Variants in FAM107B observed in about 807,000 individuals in gnomAD.
FAM107B encodes the protein protein FAM107B.
FAM107B carries 21 observed loss-of-function variants against 31.5 expected under a neutral mutation model. The ratio of observed to expected loss-of-function variants is 0.67; its 90% CI spans 0.47 to 0.96. The LOEUF is 0.96. FAM107B is among the 40% of genes least tolerant of loss of function. The pLI is 0.00. For missense variants in FAM107B, 452 were observed against 377.1 expected, an observed-to-expected ratio of 1.20 and a Z score of -1.64; for synonymous variants, 157 against 141.5, an observed-to-expected ratio of 1.11 and a Z score of -0.78.
At chr10:14,534,329 AC>A (rs779168278) in intron 2 of FAM107B, among the ~76,000 whole-genome samples, 3 of 151,886 alleles carry the variant, frequency 2.0e-5, no homozygotes, top group Non-Finnish European at 4.4e-5. Flanking sequence ...TGGCGGGAGA[AC>A]CATGTGGGAT....
chr10:14,667,212 T>C (rs542161156), intron 2 of FAM107B, among the ~76,000 whole-genome samples: 100 of 152,320 alleles, frequency 6.6e-4, no homozygotes, highest in African/African-American at 2.0e-3. Flanking sequence ...TAAATCACTT[T>C]AGCGAAGCTG....
intron 1 of FAM107B, among the ~76,000 whole-genome samples, chr10:14,676,179 A>C (rs950676830): frequency 2.6e-5 from 4 of 152,024 alleles, no homozygotes; most frequent in African/African-American, 9.7e-5. Context: ...ACAAAACAAA[A>C]CAAAAAAACT....
rs1833376398 is a variant in FAM107B, at chr10:14,774,469, T to C, written c.195A>G (p.Arg65=). The part of the protein sequence containing the change: ...QPVAKAGRQP[R]HPSAEGAPEK... ...CTGGAGCTCCTTCTGCGCTTGGGTG[T>C]CTTGGCTGTCTGCCTGCTTTGGCCA... Residue 65 remains arginine, a synonymous_variant, in exon 1 of 5, where the codon AGA becomes AGG. Coordinates refer to ENST00000181796, the MANE Select transcript of FAM107B (RefSeq NM_031453.4). 1.2e-6 allele frequency: 2 copies of C among 1,614,064 alleles called. No homozygotes were observed. Among genetic ancestry groups the C allele is most frequent in the South Asian group, 1.1e-5 (1 of 91,084 alleles).
At chr10:14,659,835 T>C (rs556915568) in intron 2 of FAM107B, among the ~76,000 whole-genome samples, 130 of 152,362 alleles carry the variant, frequency 8.5e-4, no homozygotes, top group African/African-American at 3.0e-3. Context: ...GCTGGCCTTA[T>C]GTGCGCAGCA....
intron 3 of FAM107B, among the ~76,000 whole-genome samples, chr10:14,526,792 C>A (rs1016137657): frequency 6.6e-6 from 1 of 152,026 alleles, no homozygotes; most frequent in African/African-American, 2.4e-5. Context: ...AAAAAGTAAT[C>A]TTTGTAGAGC....
At chr10:14,634,876 G>A (rs914687519) in intron 2 of FAM107B, among the ~76,000 whole-genome samples, 3 of 152,164 alleles carry the variant, frequency 2.0e-5, no homozygotes, top group African/African-American at 7.2e-5. Flanking sequence ...GATCACTTGT[G>A]GTCAGGAGTT....
intron 2 of FAM107B, among the ~76,000 whole-genome samples, chr10:14,555,552 C>A (rs1849619800): frequency 6.6e-6 from 1 of 152,150 alleles, no homozygotes. Flanking sequence ...GTTGTTCCCA[C>A]GCCATTAGCA....
At chr10:14,767,190 G>A (rs1271455001) in intron 1 of FAM107B, among the ~76,000 whole-genome samples, 1 of 148,172 alleles carries the variant, frequency 6.7e-6, no homozygotes, top group Non-Finnish European at 1.5e-5. Context: ...TGCCTCCCGG[G>A]TTCAAGTCAT....
chr10:14,606,730 ACT>A (rs1852599527), intron 2 of FAM107B, among the ~76,000 whole-genome samples: 1 of 151,074 alleles, frequency 6.6e-6, no homozygotes, highest in Admixed American at 6.6e-5. Flanking sequence ...CCCTTTCCCC[ACT>A]CTCTCTTTCT....
chr10:14,625,805 T>G (rs533755768), intron 2 of FAM107B, among the ~76,000 whole-genome samples: 1 of 139,356 alleles, frequency 7.2e-6, no homozygotes, highest in African/African-American at 2.7e-5. Context: ...TACTTTGGCC[T>G]AGACAGATTC....
chr10:14,684,242 C>T lies in FAM107B; in HGVS notation c.412-16551G>A, dbSNP rs1854919382. Among the ~76,000 whole-genome samples, 7 of 152,274 alleles carry T rather than the reference C, an allele frequency of 4.6e-5. No individual in the cohort carries two copies. The South Asian group carries it at 1.5e-3, about 32-fold the overall frequency. On this transcript the variant is annotated intron_variant, in intron 1 of 4. Transcript: ENST00000181796. ...CCGAGGCAGGTGGATCACCTGACGT[C>T]AGGAGTTCAAGACCAGCCTGGCCAA...
intron 2 of FAM107B, among the ~76,000 whole-genome samples, chr10:14,624,938 T>C (rs1464776925): frequency 1.3e-5 from 2 of 152,134 alleles, no homozygotes; most frequent in African/African-American, 4.8e-5. Context: ...CAGAATGTCA[T>C]GTGTGGCCGG....
chr10:14,691,465 C>T (rs1012346045), intron 1 of FAM107B, among the ~76,000 whole-genome samples: 3 of 152,170 alleles, frequency 2.0e-5, no homozygotes, highest in East Asian at 1.9e-4. Context: ...TCGAAACTTC[C>T]GTAATCACAA....
chr10:14,610,432 T>C (rs947313155), intron 2 of FAM107B, among the ~76,000 whole-genome samples: 1 of 152,248 alleles, frequency 6.6e-6, no homozygotes, highest in Non-Finnish European at 1.5e-5. Flanking sequence ...TTTATTTTGC[T>C]TAACTGTTTT....
At chr10:14,691,627 C>T (rs1411002769) in intron 1 of FAM107B, among the ~76,000 whole-genome samples, 1 of 152,118 alleles carries the variant, frequency 6.6e-6, no homozygotes, top group Non-Finnish European at 1.5e-5. Flanking sequence ...GGTGTGGTGG[C>T]TCATGCCTGT....
intron 2 of FAM107B, among the ~76,000 whole-genome samples, chr10:14,633,751 A>G (rs11259240): frequency 0.041 from 6,258 of 152,300 alleles, 193 homozygotes; most frequent in African/African-American, 0.087. Context: ...CCATTCTGCA[A>G]CCTGACAACT....
At chr10:14,671,743 A>T (rs1854550193) in intron 1 of FAM107B, among the ~76,000 whole-genome samples, 1 of 152,174 alleles carries the variant, frequency 6.6e-6, no homozygotes, top group Admixed American at 6.5e-5. Flanking sequence ...ACACAAAGGA[A>T]GGCAGAGCCA....
intron 1 of FAM107B, among the ~76,000 whole-genome samples, chr10:14,677,444 AC>A (rs1854711553): frequency 6.6e-6 from 1 of 151,702 alleles, no homozygotes; most frequent in Non-Finnish European, 1.5e-5. Context: ...ACACACTGAA[AC>A]CCCGTCTCCA....
intron 1 of FAM107B, among the ~76,000 whole-genome samples, chr10:14,674,575 G>A (rs1235264031): frequency 6.6e-6 from 1 of 152,102 alleles, no homozygotes; most frequent in Non-Finnish European, 1.5e-5. Context: ...ATGTTATAAG[G>A]GCTGGAGCAC....
Sources: gnomAD v4.1 joint callset for allele counts (sites outside exome capture counted in the v4.1 genomes callset) on GRCh38, gnomAD v4.1.1 for gene constraint, MANE v1.5 for transcripts, NCBI Gene and HGNC (gene_info 2026-07-23, HGNC 2026-07-21) for gene names.